TIAL1: variants seen among roughly 807,000 people sequenced by gnomAD.
The protein encoded by TIAL1 is TIA1 cytotoxic granule associated RNA binding protein like 1, also known as nucleolysin TIAR.
TIAL1 carries 7 observed loss-of-function variants against 59.7 expected under a neutral mutation model. The observed-to-expected ratio is 0.12, with a 90% CI of 0.07 to 0.22. The LOEUF (loss-of-function observed/expected upper bound fraction) is 0.22. TIAL1 is among the 10% of genes least tolerant of loss of function. The pLI is 1.00. For synonymous variants in TIAL1, 149 were observed against 146.3 expected (o/e 1.02, Z -0.13); for missense variants, 225 against 462.5 (o/e 0.49, Z 4.71).
chr10:119,575,697 C>T lies in TIAL1; in HGVS notation c.1096G>A (p.Gly366Arg), dbSNP rs370943638. The change falls in exon 12 of 12, where the codon GGA becomes AGA. Residue 366 changes from glycine to arginine, a missense_variant. Gly to Arg is a moderately radical substitution (Grantham distance 125, BLOSUM62 -2). This residue lies in a region of TIAL1 where 68 missense variants were observed against 71.3 expected (regional missense o/e 0.95). Transcript: ENST00000436547. ...PPVIPPPNQA[G>R]YGMASYQTQ ...GTTTGGTAACTTGCCATACCATATC[C>T]GGCTTGGTTAGGAGGAGGTATTACA... The T allele has an allele frequency of 3.1e-6, 5 of 1,612,478 alleles. No homozygotes were observed. Among genetic ancestry groups the T allele is most frequent in the Non-Finnish European group, 4.2e-6 (5 of 1,179,430 alleles).
intron 1 of TIAL1, among the ~76,000 whole-genome samples, chr10:119,588,723 C>T (rs1845702285): frequency 6.6e-6 from 1 of 152,164 alleles, no homozygotes; most frequent in South Asian, 2.1e-4. Context: ...GTAAGATTAA[C>T]CCTTATTTAG....
rs1331619113 is a variant in TIAL1 at position 119,582,764 on chromosome 10, A to C, written c.130-207T>G. Among the ~76,000 whole-genome samples the C allele has an allele frequency of 6.6e-6, 1 of 152,194 alleles. No individual in the cohort carries two copies. The highest frequency in any genetic ancestry group is 1.5e-5 in the Non-Finnish European group (1 of 68,010). On this transcript the variant is annotated intron_variant, in intron 2 of 11. Coordinates refer to ENST00000436547, the MANE Select transcript of TIAL1 (RefSeq NM_003252.4). This position sits in a 1 kb window ranked among gnomAD's most constrained non-coding sequence, Gnocchi z 5.1. ...ACTGCTGAACTCAAACGGAACTATA[A>C]AAGCAGTTGTAGAATCATGAGCATC...
At position 119,582,054 on chromosome 10, in the gene TIAL1, A is replaced by G; in HGVS notation, c.284-45T>C. 1 of 1,607,608 alleles carries G rather than the reference A, an allele frequency of 6.2e-7. No individual in the cohort carries two copies. The highest frequency in any genetic ancestry group is 8.5e-7 in the Non-Finnish European group (1 of 1,174,790). Reference sequence around the variant, plus strand: ...TAATCAAATACTTAAGAAGTCAGCCACTAAAACCTTTTTAAGGCAACTCTA... The same window carrying G: ...TAATCAAATACTTAAGAAGTCAGCCGCTAAAACCTTTTTAAGGCAACTCTA... On this transcript the variant is annotated intron_variant, in intron 4 of 11. Transcript: ENST00000436547. This position sits in a 1 kb window ranked among gnomAD's most constrained non-coding sequence, Gnocchi z 5.1.
Position 119,582,443 on chromosome 10 carries a change from C to T in TIAL1, c.228+16G>A, listed in dbSNP as rs142628894. 116 of 1,579,088 alleles carry T rather than the reference C, an allele frequency of 7.3e-5. 1 individual carries two copies. In the African/African-American group the frequency reaches 1.5e-3, roughly 20 times the overall value. On this transcript the variant is annotated intron_variant, in intron 3 of 11. Transcript: ENST00000436547. This position sits in a 1 kb window ranked among gnomAD's most constrained non-coding sequence, Gnocchi z 5.1. ...AATATATGTACTCATAAGGTGCCAT[C>T]ATCCTATTATCTTACCTTTCCCAAA...
chr10:119,586,173 T>G (rs963482634), intron 2 of TIAL1, among the ~76,000 whole-genome samples: 18 of 152,198 alleles, frequency 1.2e-4, no homozygotes, highest in African/African-American at 4.1e-4. Context: ...ATTCATGTCT[T>G]AAATCTAACA....
intron 11 of TIAL1, 109 bp downstream of exon 11, chr10:119,576,502 C>T (rs1006364554): frequency 1.4e-5 from 19 of 1,404,316 alleles, no homozygotes; most frequent in Non-Finnish European, 1.8e-5. Flanking sequence ...CTCATAATGC[C>T]AAATAGCTCA....
Position 119,577,756 on chromosome 10 carries a change from A to G in TIAL1, c.557-20T>C. 1.9e-6 allele frequency: 3 copies of G among 1,568,756 alleles called. No individual in the cohort carries two copies. The East Asian group carries it at 6.7e-5, about 35-fold the overall frequency. Reference sequence around the variant, plus strand: ...TGTTGTCTGTATGCAGAAACAAAACAAAAACGTTGACTGTTATATTGTACT... The same window carrying G: ...TGTTGTCTGTATGCAGAAACAAAACGAAAACGTTGACTGTTATATTGTACT... On this transcript the variant is annotated intron_variant, in intron 7 of 11. Coordinates refer to ENST00000436547, the MANE Select transcript of TIAL1 (RefSeq NM_003252.4).
chr10:119,590,844 T>C (rs1310626216), intron 1 of TIAL1, among the ~76,000 whole-genome samples: 1 of 148,064 alleles, frequency 6.8e-6, no homozygotes, highest in Non-Finnish European at 1.5e-5. Flanking sequence ...ATCTTGAGCT[T>C]CTAAACATTA....
rs1400875662 is a variant in TIAL1, at chr10:119,574,209, A to G, written c.*1456T>C. 6.6e-6 allele frequency: 1 copy of G among 152,554 alleles called. No homozygotes were observed. Among genetic ancestry groups the G allele is most frequent in the African/African-American group, 2.4e-5 (1 of 41,436 alleles). 9.5% of individuals were successfully genotyped at this position (152,554 alleles called of 1,614,324 possible). ...AAATTTTACCCACACAGCCTGAAAA[A>G]TACCTTGAAAGCAAACCTCGGTCTT... On this transcript the variant is annotated 3_prime_UTR_variant, in exon 12 of 12. Coordinates refer to ENST00000436547, the MANE Select transcript of TIAL1 (RefSeq NM_003252.4).
intron 9 of TIAL1, 104 bp downstream of exon 9, chr10:119,577,347 T>C: frequency 9.1e-6 from 13 of 1,432,792 alleles, no homozygotes; most frequent in Non-Finnish European, 1.2e-5. Context: ...ACTTCTATAC[T>C]GCAAAGAAGC....
intron 6 of TIAL1, among the ~76,000 whole-genome samples, chr10:119,579,713 A>G (rs1218154931): frequency 6.6e-6 from 1 of 152,204 alleles, no homozygotes; most frequent in African/African-American, 2.4e-5. Context: ...CACAATTTTA[A>G]TAATCTTCCT....
intron 2 of TIAL1, among the ~76,000 whole-genome samples, chr10:119,585,122 C>CAAAAA (rs34500092): frequency 6.5e-5 from 3 of 46,498 alleles, no homozygotes; most frequent in Admixed American, 3.0e-4. Context: ...GATTCCATCT[C>CAAAAA]AAAAAAAAAA....
intron 7 of TIAL1, 151 bp downstream of exon 7, chr10:119,578,575 G>T (rs1845145750): frequency 1.5e-6 from 1 of 656,254 alleles, no homozygotes; most frequent in Admixed American, 2.5e-5. Context: ...AGGCTACAGT[G>T]AGCTAAGATC....
chr10:119,590,981 A>ATTTTAAATGATTTAAATAG (rs1845855463), intron 1 of TIAL1, among the ~76,000 whole-genome samples: 1 of 152,202 alleles, frequency 6.6e-6, no homozygotes, highest in African/African-American at 2.4e-5. Context: ...AATATAACAC[A>ATTTTAAATGATTTAAATAG]TTTTAAATGA....
intron 1 of TIAL1, among the ~76,000 whole-genome samples, chr10:119,594,093 G>A (rs193112836): frequency 1.3e-5 from 2 of 148,218 alleles, no homozygotes; most frequent in African/African-American, 2.5e-5. Context: ...AGGCCCTATG[G>A]AAAAGGGTGG....
At position 119,596,700 on chromosome 10, in the gene TIAL1, A is replaced by G. The variant is rs1846221688; in HGVS notation, c.-235T>C. On this transcript the variant is annotated 5_prime_UTR_variant, in exon 1 of 12. Coordinates refer to ENST00000436547, the MANE Select transcript of TIAL1 (RefSeq NM_003252.4). The stretch of plus-strand genomic sequence containing the variant: ...GGCCGCCGCCACCAGCCAGGCAGGA[A>G]ACAGGGCAGAGCGCAGGCGCGACCC... 1.7e-6 allele frequency: 1 copy of G among 580,094 alleles called. No individual in the cohort carries two copies. Among genetic ancestry groups the G allele is most frequent in the East Asian group, 2.9e-5 (1 of 34,158 alleles). 35.9% of individuals were successfully genotyped at this position (580,094 alleles called of 1,614,324 possible). A position where few individuals can be genotyped will look rare whatever the true frequency, so the allele number is the denominator to read the frequency against.
At position 119,596,596 on chromosome 10, in the gene TIAL1, C is replaced by T. The variant is rs941331518; in HGVS notation, c.-131G>A. The stretch of plus-strand genomic sequence containing the variant: ...AGGAAAAGGCACCGAACCCTGCTCT[C>T]GGGCTCTCTCCCCCCAGCCCGCTCC... On this transcript the variant is annotated 5_prime_UTR_variant, in exon 1 of 12. Coordinates refer to ENST00000436547, the MANE Select transcript of TIAL1 (RefSeq NM_003252.4). The T allele has an allele frequency of 1.1e-5, 8 of 707,706 alleles. No homozygotes were observed. The highest frequency in any genetic ancestry group is 1.9e-5 in the Non-Finnish European group (8 of 427,764). The allele number at this position is 707,706 out of a possible 1,614,324, so 43.8% of individuals were successfully genotyped here.
intron 6 of TIAL1, among the ~76,000 whole-genome samples, chr10:119,579,241 G>C (rs1845183045): frequency 6.6e-6 from 1 of 152,196 alleles, no homozygotes; most frequent in African/African-American, 2.4e-5. Context: ...AGGAGGCTGA[G>C]GCAGCGCGAT....
chr10:119,585,064 A>C lies in TIAL1; in HGVS notation c.130-2507T>G, dbSNP rs560321393. 2.0e-5 allele frequency among the ~76,000 whole-genome samples: 3 copies of C among 147,834 alleles called. No homozygotes were observed. The South Asian group carries it at 6.6e-4, about 32-fold the overall frequency. ...CTTGAACCCAGGAGGCCAAGGCTGC[A>C]GTGAGCCGAGATCATGCCATTGCAC... On this transcript the variant is annotated intron_variant, in intron 2 of 11. Coordinates refer to ENST00000436547, the MANE Select transcript of TIAL1 (RefSeq NM_003252.4).
Sources: allele counts gnomAD v4.1 joint callset (sites outside exome capture counted in the v4.1 genomes callset), GRCh38; gene constraint gnomAD v4.1.1; regional missense constraint gnomAD v4.1.1; non-coding constraint Gnocchi (gnomAD v3.1); transcripts MANE v1.5; gene names NCBI Gene and HGNC (gene_info 2026-07-23, HGNC 2026-07-21).